ITPR2: variants seen among roughly 807,000 people sequenced by gnomAD.
ITPR2 encodes the protein inositol 1,4,5-trisphosphate receptor type 2, also known as inositol 1,4,5-trisphosphate-gated calcium channel ITPR2.
Under a neutral mutation model 317.1 loss-of-function variants are expected in ITPR2, and 207 were observed. That is an observed-to-expected ratio of 0.65 (90% CI 0.58 to 0.73). The LOEUF (loss-of-function observed/expected upper bound fraction) is 0.73. Among genes scored for constraint, ITPR2 ranks in the 30% least tolerant of loss-of-function variants. The probability of loss-of-function intolerance (pLI) is 0.00; values close to 1 mark genes in which losing one functional copy is unlikely to be tolerated. For synonymous variants in ITPR2, 1,156 were observed against 1,149.1 expected, an observed-to-expected ratio of 1.01 and a Z score of -0.12; for missense variants, 2,613 against 3,284.0, an observed-to-expected ratio of 0.80 and a Z score of 4.99.
At chr12:26,693,756 G>A (rs1421916905) in intron 10 of ITPR2, among the ~76,000 whole-genome samples, 8 of 152,142 alleles carry the variant, frequency 5.3e-5, no homozygotes, top group Non-Finnish European at 7.4e-5. Flanking sequence ...CTGTATCACC[G>A]AATATTATGT....
intron 52 of ITPR2, 22 bp from the exon 53 acceptor site, chr12:26,400,280 T>C (rs1940131447): frequency 2.1e-6 from 3 of 1,420,316 alleles, no homozygotes; most frequent in Non-Finnish European, 2.8e-6. Flanking sequence ...CATACAAATA[T>C]ATGATATAAA....
intron 13 of ITPR2, among the ~76,000 whole-genome samples, chr12:26,672,427 G>A (rs899853996): frequency 6.6e-6 from 1 of 152,120 alleles, no homozygotes; most frequent in African/African-American, 2.4e-5. Context: ...CATGGAAACT[G>A]AAAAACCTGC....
chr12:26,566,720 GC>G, intron 34 of ITPR2, among the ~76,000 whole-genome samples: 2 of 152,250 alleles, frequency 1.3e-5, no homozygotes, highest in Admixed American at 1.3e-4. Context: ...TTTCACCACT[GC>G]TTAAATTTCC....
chr12:26,412,009 T>A (rs1344167659), intron 51 of ITPR2, among the ~76,000 whole-genome samples: 1 of 152,236 alleles, frequency 6.6e-6, no homozygotes, highest in African/African-American at 2.4e-5. Context: ...TAGAAAATAG[T>A]AACCCTCCTA....
chr12:26,486,377 A>G lies in ITPR2; in HGVS notation c.5555-17T>C. Reference sequence around the variant, plus strand: ...AATCTCTTACTGAAAACAAAGCAGTACTTTTATATTTCTGAACCAATTTGC... The same window carrying G: ...AATCTCTTACTGAAAACAAAGCAGTGCTTTTATATTTCTGAACCAATTTGC... On this transcript the variant is annotated splice_polypyrimidine_tract_variant and intron_variant, in intron 40 of 56. Transcript: ENST00000381340. The G allele has an allele frequency of 1.9e-6, 3 of 1,584,514 alleles. No individual in the cohort carries two copies. The highest frequency in any genetic ancestry group is 1.3e-5 in the African/African-American group (1 of 74,096).
chr12:26,501,191 G>A (rs1465298652), intron 37 of ITPR2, among the ~76,000 whole-genome samples: 1 of 152,136 alleles, frequency 6.6e-6, no homozygotes, highest in Non-Finnish European at 1.5e-5. Context: ...TCTCCCCATA[G>A]TCCCATTTTA....
chr12:26,664,710 AAAAAT>A (rs76628910), intron 14 of ITPR2, among the ~76,000 whole-genome samples: 26,185 of 152,092 alleles, frequency 0.17, 2,955 homozygotes, highest in Non-Finnish European at 0.25. Context: ...TTTATCAAAC[AAAAAT>A]AAAATATTTG....
At chr12:26,584,095 A>C (rs1262091971) in intron 32 of ITPR2, among the ~76,000 whole-genome samples, 1 of 152,222 alleles carries the variant, frequency 6.6e-6, no homozygotes, top group Non-Finnish European at 1.5e-5. Context: ...TAGACAAATT[A>C]ATAAATATAT....
chr12:26,356,801 C>T (rs940622467), intron 55 of ITPR2, among the ~76,000 whole-genome samples: 2 of 152,196 alleles, frequency 1.3e-5, no homozygotes, highest in Non-Finnish European at 2.9e-5. Context: ...CTTGCTTTGG[C>T]TTCCCAAAGT....
At chr12:26,546,539 T>C (rs1944394267) in intron 37 of ITPR2, among the ~76,000 whole-genome samples, 1 of 152,212 alleles carries the variant, frequency 6.6e-6, no homozygotes, top group Non-Finnish European at 1.5e-5. Context: ...TATCATATTC[T>C]TTTGGAAGAA....
chr12:26,741,168 G>A (rs1362197099), intron 2 of ITPR2, among the ~76,000 whole-genome samples: 1 of 152,260 alleles, frequency 6.6e-6, no homozygotes, highest in Non-Finnish European at 1.5e-5. Context: ...TTGAGGGGGA[G>A]AGCTTGGGGT....
chr12:26,378,778 T>C (rs1267224626), intron 55 of ITPR2, among the ~76,000 whole-genome samples: 3 of 152,214 alleles, frequency 2.0e-5, no homozygotes, highest in African/African-American at 7.2e-5. Context: ...TCGCCTGCAA[T>C]TGTAATAATT....
intron 37 of ITPR2, among the ~76,000 whole-genome samples, chr12:26,542,080 T>C (rs971924015): frequency 6.6e-6 from 1 of 152,212 alleles, no homozygotes; most frequent in African/African-American, 2.4e-5. Flanking sequence ...ATGCTATTTG[T>C]TGAAAGCCAC....
Position 26,340,283 on chromosome 12 carries a change from C to A in ITPR2, c.7903G>T (p.Val2635Phe). 4 of 1,609,780 alleles carry A rather than the reference C, an allele frequency of 2.5e-6. 1 individual carries two copies. The South Asian group carries it at 4.5e-5, about 18-fold the overall frequency. The change falls in exon 56 of 57, where the codon GTT becomes TTT. Residue 2635 changes from valine to phenylalanine, a missense_variant. Transcript: ENST00000381340. ...WFPRMRAMSL[V>F]SNEGDSEQNE... The stretch of plus-strand genomic sequence containing the variant: ...TGCTCACTGTCGCCTTCATTGCTAA[C>A]GAGGGACATGGCTCGCATCCGAGGA...
intron 13 of ITPR2, among the ~76,000 whole-genome samples, chr12:26,671,437 T>A (rs1223090588): frequency 1.3e-5 from 2 of 152,036 alleles, no homozygotes; most frequent in African/African-American, 4.8e-5. Flanking sequence ...GAATTTCATA[T>A]CCAGCCAAAC....
chr12:26,788,171 C>T (rs1055963126), intron 2 of ITPR2, among the ~76,000 whole-genome samples: 3 of 152,192 alleles, frequency 2.0e-5, no homozygotes, highest in Non-Finnish European at 2.9e-5. Flanking sequence ...ATCCACCCGC[C>T]TTGGCCTCCC....
chr12:26,734,392 C>G (rs552181673), intron 2 of ITPR2, among the ~76,000 whole-genome samples: 6 of 152,120 alleles, frequency 3.9e-5, no homozygotes, highest in Non-Finnish European at 8.8e-5. Flanking sequence ...AATTATCCTA[C>G]AAGGGCCCAA....
intron 37 of ITPR2, among the ~76,000 whole-genome samples, chr12:26,504,293 T>C (rs988348375): frequency 3.3e-5 from 5 of 152,182 alleles, no homozygotes; most frequent in Non-Finnish European, 4.4e-5. Flanking sequence ...CACATATCCA[T>C]ATGTCTCTCC....
At position 26,682,625 on chromosome 12, in the gene ITPR2, G is replaced by C. The variant is rs1948056130; in HGVS notation, c.1197C>G (p.Thr399=). Residue 399 remains threonine (T), a synonymous_variant, in exon 12 of 57, where the codon ACC becomes ACG. Transcript: ENST00000381340. The stretch of plus-strand genomic sequence containing the variant: ...CTGTGTCTATGGGGATACTAGTACT[G>C]GTTACCCATGTGTTGGTGCATAAAT... The part of the protein sequence containing the change: ...LRHLCTNTWV[T]STSIPIDTDE... 6.2e-7 allele frequency: 1 copy of C among 1,613,006 alleles called. No individual in the cohort carries two copies. The highest frequency in any genetic ancestry group is 1.3e-5 in the African/African-American group (1 of 74,946).
Sources: gnomAD v4.1 joint callset for allele counts (sites outside exome capture counted in the v4.1 genomes callset) on GRCh38, gnomAD v4.1.1 for gene constraint, MANE v1.5 for transcripts, NCBI Gene and HGNC (gene_info 2026-07-23, HGNC 2026-07-21) for gene names.